The following KCNN3 variants were observed in gnomAD, a reference collection of about 807,000 sequenced individuals.
KCNN3 encodes the protein potassium calcium-activated channel subfamily N member 3, also known as small conductance calcium-activated potassium channel protein 3.
In KCNN3, 16 loss-of-function variants were observed where a neutral mutation model predicts 62.9. The observed-to-expected ratio is 0.25, with a 90% CI of 0.17 to 0.39. The LOEUF (loss-of-function observed/expected upper bound fraction) is 0.39, where lower values mean the gene tolerates loss of function less well. Among genes scored for constraint, KCNN3 ranks in the 10% least tolerant of loss-of-function variants. The pLI is 1.00. For missense variants in KCNN3, 599 were observed against 949.4 expected (o/e 0.63, Z 4.85); for synonymous variants, 370 against 389.2 (o/e 0.95, Z 0.58).
chr1:154,858,576 G>A (rs892783991), intron 1 of KCNN3, among the ~76,000 whole-genome samples: 21 of 152,280 alleles, frequency 1.4e-4, no homozygotes, highest in African/African-American at 3.4e-4. Context: ...CACTCCTGCC[G>A]CCTGGAGCAG....
At chr1:154,812,144 G>A (rs980243302) in intron 2 of KCNN3, among the ~76,000 whole-genome samples, 3 of 152,170 alleles carry the variant, frequency 2.0e-5, no homozygotes, top group Non-Finnish European at 4.4e-5. Flanking sequence ...CCGCTGCCAC[G>A]GGGGAAATGA....
intron 1 of KCNN3, among the ~76,000 whole-genome samples, chr1:154,848,068 A>G (rs1009516565): frequency 6.6e-6 from 1 of 152,182 alleles, no homozygotes; most frequent in African/African-American, 2.4e-5. Flanking sequence ...GCCAGAAGCC[A>G]GCGCTGATGA....
At position 154,795,994 on chromosome 1, in the gene KCNN3, A is replaced by T. The variant is rs115952862; in HGVS notation, c.1030-23601T>A. On this transcript the variant is annotated intron_variant, in intron 2 of 7. Coordinates refer to ENST00000271915, the MANE Select transcript of KCNN3 (RefSeq NM_002249.6). ...AGCAGCCAAAAGTTTTCAGACAAGG[A>T]CAAGGTCCAGTGTGTGTGTCTGTTG... 3.1e-3 allele frequency among the ~76,000 whole-genome samples: 475 copies of T among 152,276 alleles called. 2 individuals are homozygous for T. Among genetic ancestry groups the T allele is most frequent in the Non-Finnish European group, 5.4e-3 (367 of 67,988 alleles).
intron 1 of KCNN3, among the ~76,000 whole-genome samples, chr1:154,842,062 C>G (rs6691463): frequency 0.3 from 45,444 of 152,096 alleles, 7,188 homozygotes; most frequent in African/African-American, 0.37. Flanking sequence ...AGGGGAGACC[C>G]CCGGGAGTGC....
In KCNN3 at chr1:154,705,183, G is replaced by A. The variant is rs2101750867; in HGVS notation, c.*2793C>T. 6.6e-6 allele frequency: 1 copy of A among 152,294 alleles called. No individual in the cohort carries two copies. Among genetic ancestry groups the A allele is most frequent in the South Asian group, 2.1e-4 (1 of 4,828 alleles). 9.4% of individuals were successfully genotyped at this position (152,294 alleles called of 1,614,324 possible). A position where few individuals can be genotyped will look rare whatever the true frequency, so the allele number is the denominator to read the frequency against. On this transcript the variant is annotated 3_prime_UTR_variant, in exon 8 of 8. Transcript: ENST00000271915. ...CACCTGCCCCTTTTCCCATCTGACT[G>A]TGATGCTGAGGTGTGGTGGAATTAG...
chr1:154,730,683 T>A (rs1046052344), intron 4 of KCNN3, among the ~76,000 whole-genome samples: 19 of 152,304 alleles, frequency 1.2e-4, no homozygotes, highest in African/African-American at 4.6e-4. Context: ...TGTTCCTGTA[T>A]ATAGAAAGGT....
At chr1:154,747,409 G>A (rs530893681) in intron 3 of KCNN3, among the ~76,000 whole-genome samples, 6 of 152,276 alleles carry the variant, frequency 3.9e-5, no homozygotes, top group South Asian at 2.1e-4. Flanking sequence ...GAGAGGGGAC[G>A]TTCTCAGCCT....
chr1:154,766,605 C>A (rs1254463304), intron 3 of KCNN3, among the ~76,000 whole-genome samples: 1 of 149,450 alleles, frequency 6.7e-6, no homozygotes, highest in Non-Finnish European at 1.5e-5. Flanking sequence ...CAGGGTTTAG[C>A]TTGCAGGCTT....
chr1:154,708,126 G>A lies in KCNN3; in HGVS notation c.2046C>T (p.Arg682=). ...CAGACAGGAGCTGCTGCTGCTGCTG[G>A]CGCAGGGTGTCGGCGATGAGCAGCG... ...SLPLLIADTL[R]QQQQQLLSAI... Residue 682 remains arginine, a synonymous_variant, in exon 8 of 8, where the codon CGC becomes CGT. Transcript: ENST00000271915. 6.2e-7 allele frequency: 1 copy of A among 1,613,870 alleles called. No individual in the cohort carries two copies. Among genetic ancestry groups the A allele is most frequent in the Non-Finnish European group, 8.5e-7 (1 of 1,180,026 alleles).
chr1:154,776,146 G>T (rs555594919), intron 2 of KCNN3, among the ~76,000 whole-genome samples: 1 of 152,236 alleles, frequency 6.6e-6, no homozygotes, highest in South Asian at 2.1e-4. Context: ...GCCACATGGG[G>T]TAGTGGAGCT....
At chr1:154,797,009 A>T (rs1440122322) in intron 2 of KCNN3, among the ~76,000 whole-genome samples, 1 of 152,236 alleles carries the variant, frequency 6.6e-6, no homozygotes, top group African/African-American at 2.4e-5. Flanking sequence ...CTTCATCAGC[A>T]GCCTGCGACA....
intron 1 of KCNN3, among the ~76,000 whole-genome samples, chr1:154,838,080 A>G (rs1421575400): frequency 2.0e-5 from 3 of 152,214 alleles, no homozygotes; most frequent in Non-Finnish European, 4.4e-5. Context: ...ACGGTGGGAC[A>G]GCCAGCTGAC....
At chr1:154,797,602 G>T (rs1023975865) in intron 2 of KCNN3, among the ~76,000 whole-genome samples, 5 of 152,150 alleles carry the variant, frequency 3.3e-5, no homozygotes, top group African/African-American at 1.2e-4. Flanking sequence ...GCCTGTCCCT[G>T]TGCCTTCCCA....
At chr1:154,762,054 C>T (rs1435282721) in intron 3 of KCNN3, among the ~76,000 whole-genome samples, 4 of 152,198 alleles carry the variant, frequency 2.6e-5, no homozygotes, top group Non-Finnish European at 4.4e-5. Context: ...ATGTGCCATA[C>T]TTGTTTAGCC....
intron 1 of KCNN3, among the ~76,000 whole-genome samples, chr1:154,823,079 T>A (rs1214612578): frequency 6.6e-6 from 1 of 152,078 alleles, no homozygotes; most frequent in African/African-American, 2.4e-5. Flanking sequence ...AATAAAGGAG[T>A]TAATGTATGC....
In KCNN3 at chr1:154,768,949, G is replaced by A. The variant is rs545256839; in HGVS notation, c.1448+3026C>T. On this transcript the variant is annotated intron_variant, in intron 3 of 7. Transcript: ENST00000271915. ...GTAGAGTAGAGGCCAAGATTTCCTC[G>A]TATGTGCAGGATTCAGCCTGGGTTG... Among the ~76,000 whole-genome samples, 16 of 152,266 alleles carry A rather than the reference G, an allele frequency of 1.1e-4. No individual in the cohort carries two copies. In the East Asian group the frequency reaches 2.9e-3, roughly 28 times the overall value.
At chr1:154,774,240 A>C (rs1260424275) in intron 2 of KCNN3, among the ~76,000 whole-genome samples, 2 of 152,224 alleles carry the variant, frequency 1.3e-5, no homozygotes, top group African/African-American at 4.8e-5. Context: ...AGTTGGGCTC[A>C]GTGATGTCTA....
intron 1 of KCNN3, among the ~76,000 whole-genome samples, chr1:154,844,471 TCA>T (rs1379992687): frequency 5.3e-5 from 8 of 152,190 alleles, no homozygotes; most frequent in African/African-American, 1.9e-4. Flanking sequence ...ATCGCGCCGG[TCA>T]CACATCCTGT....
At chr1:154,777,520 G>C (rs1399765587) in intron 2 of KCNN3, among the ~76,000 whole-genome samples, 1 of 152,142 alleles carries the variant, frequency 6.6e-6, no homozygotes, top group African/African-American at 2.4e-5. Flanking sequence ...ACCATGGGAA[G>C]GGACACCCTC....
Sources: allele counts gnomAD v4.1 joint callset (sites outside exome capture counted in the v4.1 genomes callset), GRCh38; gene constraint gnomAD v4.1.1; transcripts MANE v1.5; gene names NCBI Gene and HGNC (gene_info 2026-07-23, HGNC 2026-07-21).